The following MYCBP2 variants were observed in gnomAD, a reference collection of about 807,000 sequenced individuals.
The protein encoded by MYCBP2 is MYC binding protein 2, also known as E3 ubiquitin-protein ligase MYCBP2.
MYCBP2 carries 120 observed loss-of-function variants against 525.3 expected under a neutral mutation model. That is an observed-to-expected ratio of 0.23 (90% CI 0.20 to 0.27). The LOEUF is 0.27. Ranked by LOEUF, MYCBP2 falls within the 10% of genes least tolerant of loss-of-function variation. MYCBP2 has a pLI of 1.00. For missense variants in MYCBP2, 4,149 were observed against 5,657.1 expected (o/e 0.73, Z 8.55); for synonymous variants, 1,894 against 1,955.8 (o/e 0.97, Z 0.83).
Position 77,051,978 on chromosome 13 carries a change from A to C in MYCBP2, c.13648-60T>G, listed in dbSNP as rs1012967772. On this transcript the variant is annotated intron_variant, in intron 80 of 82. Transcript: ENST00000544440. The stretch of plus-strand genomic sequence containing the variant: ...AAAAGAAAACTCTGGCATGGGAGAT[A>C]CAGTATGGGCATAGTGAAAGTAAGA... The C allele has an allele frequency of 8.0e-6, 10 of 1,249,180 alleles. No homozygotes were observed. The Admixed American group carries it at 1.4e-4, about 18-fold the overall frequency. The allele number at this position is 1,249,180 out of a possible 1,614,324, so 77.4% of individuals were successfully genotyped here. A position where few individuals can be genotyped will look rare whatever the true frequency, so the allele number is the denominator to read the frequency against.
At position 77,270,330 on chromosome 13, in the gene MYCBP2, T is replaced by C; in HGVS notation, c.1154A>G (p.Tyr385Cys). The C allele has an allele frequency of 6.2e-7, 1 of 1,613,476 alleles. No individual in the cohort carries two copies. Among genetic ancestry groups the C allele is most frequent in the Non-Finnish European group, 8.5e-7 (1 of 1,179,614 alleles). Residue 385 changes from tyrosine to cysteine, a missense_variant, in exon 6 of 83, where the codon TAT becomes TGT. Transcript: ENST00000544440. ...TCCACTGTATCCAGAGCCTATTTTA[T>C]ATAATCCATCCTTGCATAATAGATA... ...FLYLLCKDGL[Y>C]KIGSGYSGTV...
chr13:77,212,231 G>T, intron 21 of MYCBP2, 71 bp from the exon 22 acceptor site: 1 of 1,347,844 alleles, frequency 7.4e-7, no homozygotes, highest in Non-Finnish European at 1.0e-6. Flanking sequence ...AGTTAAGGAG[G>T]CAGTAGATAA....
Position 77,058,433 on chromosome 13 carries a change from A to G in MYCBP2, c.13141-27T>C, listed in dbSNP as rs1177404224. ...TGTTAAAGATGAATTACAATGTTAC[A>G]CAAGTATGTAAAAAAGCACACATTC... On this transcript the variant is annotated intron_variant, in intron 77 of 82. Transcript: ENST00000544440. The surrounding 1 kb of genome is among the most constrained non-coding windows in gnomAD (Gnocchi z 4.1). 6.6e-7 allele frequency: 1 copy of G among 1,524,668 alleles called. No individual in the cohort carries two copies. The highest frequency in any genetic ancestry group is 8.8e-7 in the Non-Finnish European group (1 of 1,132,704). 94.4% of individuals were successfully genotyped at this position (1,524,668 alleles called of 1,614,324 possible).
At chr13:77,093,524 G>A (rs1594465647) in intron 58 of MYCBP2, among the ~76,000 whole-genome samples, 192 bp from the exon 59 acceptor site, 3 of 152,210 alleles carry the variant, frequency 2.0e-5, no homozygotes, top group Admixed American at 6.5e-5. Context: ...CAGGTACCAC[G>A]AACATTTCAA....
chr13:77,140,528 C>A (rs1230952216), intron 50 of MYCBP2, among the ~76,000 whole-genome samples: 1 of 152,174 alleles, frequency 6.6e-6, no homozygotes, highest in Admixed American at 6.5e-5. Flanking sequence ...TGTACTTACT[C>A]TTTAGATTTC....
intron 21 of MYCBP2, among the ~76,000 whole-genome samples, chr13:77,215,366 A>G (rs545832583): frequency 6.6e-6 from 1 of 152,298 alleles, no homozygotes; most frequent in Non-Finnish European, 1.5e-5. Flanking sequence ...GAGGGGAAAG[A>G]GCAAGAATGA....
rs954268187 is a variant in MYCBP2, at chr13:77,066,566, T to C, written c.12456-478A>G. On this transcript the variant is annotated intron_variant, in intron 71 of 82. Transcript: ENST00000544440. ...CACTGTTCAGATGTCTCTAATTCTC[T>C]ACTGTTACACACAATTACAGAACAT... Among the ~76,000 whole-genome samples, 77 of 152,348 alleles carry C rather than the reference T, an allele frequency of 5.1e-4. 1 individual carries two copies. The highest frequency in any genetic ancestry group is 7.1e-4 in the Non-Finnish European group (48 of 68,030).
At position 77,243,959 on chromosome 13, in the gene MYCBP2, GAAATACAAAAA is replaced by G; in HGVS notation, c.2382-19_2382-9del. 8.4e-7 allele frequency: 1 copy of G among 1,183,776 alleles called. No homozygotes were observed. The allele number at this position is 1,183,776 out of a possible 1,614,324, so 73.3% of individuals were successfully genotyped here. The stretch of plus-strand genomic sequence containing the variant: ...GAACCACAACCACAGATCCTAGGGG[GAAATACAAAAA>G]AAAAAAAAAAAGACAACTGAGATAT... On this transcript the variant is annotated splice_polypyrimidine_tract_variant and intron_variant, in intron 15 of 82. Coordinates refer to ENST00000544440, the MANE Select transcript of MYCBP2 (RefSeq NM_015057.5).
chr13:77,088,699 C>A, intron 61 of MYCBP2, 133 bp downstream of exon 61: 1 of 679,736 alleles, frequency 1.5e-6, no homozygotes, highest in Non-Finnish European at 2.4e-6. Context: ...TATAGGAACA[C>A]TTAATACTTT....
chr13:77,279,850 C>A (rs1355839887), intron 3 of MYCBP2, among the ~76,000 whole-genome samples: 1 of 152,112 alleles, frequency 6.6e-6, no homozygotes, highest in Non-Finnish European at 1.5e-5. Context: ...TCAATACAGA[C>A]CTCTGTTATA....
chr13:77,312,154 T>C (rs577573033), intron 1 of MYCBP2, among the ~76,000 whole-genome samples: 1 of 152,122 alleles, frequency 6.6e-6, no homozygotes, highest in Admixed American at 6.5e-5. Context: ...TAAAATATCC[T>C]TTAGGAATGA....
chr13:77,099,342 G>A (rs1391768752), intron 55 of MYCBP2: 1 of 249,382 alleles, frequency 4.0e-6, no homozygotes, highest in Non-Finnish European at 7.8e-6. Context: ...ACTAGAAAGA[G>A]ACAGAAATTA....
intron 38 of MYCBP2, among the ~76,000 whole-genome samples, chr13:77,170,563 G>A (rs1015567501): frequency 2.0e-5 from 3 of 151,812 alleles, no homozygotes; most frequent in Admixed American, 6.6e-5. Flanking sequence ...TATACAATAA[G>A]GAGGTGGAGG....
rs751049713 is a variant in MYCBP2 at position 77,326,657 on chromosome 13, G to C, written c.119C>G (p.Pro40Arg). 2.5e-5 allele frequency: 37 copies of C among 1,508,278 alleles called. No individual in the cohort carries two copies. The highest frequency in any genetic ancestry group is 2.2e-4 in the African/African-American group (15 of 69,334). 93.4% of individuals were successfully genotyped at this position (1,508,278 alleles called of 1,614,324 possible). Residue 40 changes from proline to arginine, a missense_variant, in exon 1 of 83, where the codon CCG becomes CGG. Around this residue, in one of 21 missense-constraint regions of MYCBP2, gnomAD observed 413 missense variants for 451.2 expected, o/e 0.92. Coordinates refer to ENST00000544440, the MANE Select transcript of MYCBP2 (RefSeq NM_015057.5). This position sits in a 1 kb window ranked among gnomAD's most constrained non-coding sequence, Gnocchi z 4.2. The part of the protein sequence containing the change: ...SSPAPGALFM[P>R]VPDGSVAAAG... The stretch of plus-strand genomic sequence containing the variant: ...AGCAGCCACGGAGCCGTCGGGAACC[G>C]GCATGAACAGCGCCCCCGGCGCCGG...
At position 77,057,834 on chromosome 13, in the gene MYCBP2, C is replaced by CTT. The variant is rs11419165; in HGVS notation, c.13329+382_13329+383dup. Among the ~76,000 whole-genome samples the CTT allele has an allele frequency of 4.7e-3, 564 of 121,020 alleles. 1 individual carries two copies. The highest frequency in any genetic ancestry group is 5.7e-3 in the African/African-American group (168 of 29,730). 79.4% of individuals were successfully genotyped at this position (121,020 alleles called of 152,430 possible). On this transcript the variant is annotated intron_variant, in intron 78 of 82. Coordinates refer to ENST00000544440, the MANE Select transcript of MYCBP2 (RefSeq NM_015057.5). ...TATAAAAAAAGATTTCAATCAACTG[C>CTT]TTTTTTTTTTTTTTTTTTTTTTGAG...
intron 68 of MYCBP2, among the ~76,000 whole-genome samples, chr13:77,072,323 C>CA (rs34380354): frequency 0.83 from 121,145 of 145,092 alleles, 50,867 homozygotes; most frequent in Middle Eastern, 0.89. Flanking sequence ...AAAAAGAAAT[C>CA]AAATGGGAAT....
chr13:77,228,805 C>A (rs553188658), intron 18 of MYCBP2, among the ~76,000 whole-genome samples: 2 of 151,600 alleles, frequency 1.3e-5, no homozygotes, highest in Non-Finnish European at 2.9e-5. Context: ...TGTATGTACA[C>A]ATTATATATA....
At chr13:77,302,881 T>C (rs1463441294) in intron 1 of MYCBP2, among the ~76,000 whole-genome samples, 1 of 152,220 alleles carries the variant, frequency 6.6e-6, no homozygotes, top group Non-Finnish European at 1.5e-5. Flanking sequence ...TAAATTTGAA[T>C]GCATCCAGTA....
In MYCBP2 at chr13:77,214,450, TAA is replaced by T. The variant is rs112804113; in HGVS notation, c.3058-2292_3058-2291del. Reference sequence around the variant, plus strand: ...CACACAATGGGGTATTACATGGAGGTAAAAAAAAAAATGAAGAGCTTTATGAA... The same window carrying T: ...CACACAATGGGGTATTACATGGAGGTAAAAAAAAATGAAGAGCTTTATGAA... On this transcript the variant is annotated intron_variant, in intron 21 of 82. Transcript: ENST00000544440. Among the ~76,000 whole-genome samples the T allele has an allele frequency of 2.9e-3, 424 of 145,318 alleles. 1 individual carries two copies. Among genetic ancestry groups the T allele is most frequent in the African/African-American group, 9.9e-3 (397 of 40,218 alleles).
Sources: allele counts gnomAD v4.1 joint callset (sites outside exome capture counted in the v4.1 genomes callset), GRCh38; gene constraint gnomAD v4.1.1; regional missense constraint gnomAD v4.1.1; non-coding constraint Gnocchi (gnomAD v3.1); transcripts MANE v1.5; gene names NCBI Gene and HGNC (gene_info 2026-07-23, HGNC 2026-07-21).